SPSB4: variants seen among roughly 807,000 people sequenced by gnomAD.
SPSB4 encodes SPRY domain-containing SOCS box protein 4.
A neutral mutation model predicts 20.9 loss-of-function variants in SPSB4; 21 were observed. That is an observed-to-expected ratio of 1.01 (90% CI 0.71 to 1.45). The LOEUF is 1.45. SPSB4 is among the 40% of genes most tolerant of loss of function. SPSB4 has a pLI of 0.00. For synonymous variants in SPSB4, 207 were observed against 183.8 expected (o/e 1.13, Z -1.02); for missense variants, 399 against 399.2 (o/e 1.00, Z 0.00).
intron 2 of SPSB4, among the ~76,000 whole-genome samples, chr3:141,097,018 T>C (rs1296113340): frequency 6.6e-6 from 1 of 152,234 alleles, no homozygotes; most frequent in African/African-American, 2.4e-5. Context: ...CTATTGTCTT[T>C]GTGCATGGCT....
chr3:141,130,338 A>AG (rs1939113999), intron 2 of SPSB4, among the ~76,000 whole-genome samples: 1 of 152,204 alleles, frequency 6.6e-6, no homozygotes, highest in African/African-American at 2.4e-5. Context: ...GGGGAGTCTC[A>AG]GGGGCATGAA....
At chr3:141,067,784 A>C (rs530223144) in intron 2 of SPSB4, among the ~76,000 whole-genome samples, 1 of 152,280 alleles carries the variant, frequency 6.6e-6, no homozygotes, top group African/African-American at 2.4e-5. Context: ...CCCCAACATC[A>C]GCCCACTAGC....
At chr3:141,094,908 C>T (rs1938519738) in intron 2 of SPSB4, among the ~76,000 whole-genome samples, 1 of 151,778 alleles carries the variant, frequency 6.6e-6, no homozygotes, top group African/African-American at 2.4e-5. Flanking sequence ...GCCTCTCCTG[C>T]CTGTGCTTCC....
In SPSB4 at chr3:141,147,487, G is replaced by A. The variant is rs904870035; in HGVS notation, c.*218G>A. On this transcript the variant is annotated 3_prime_UTR_variant, in exon 3 of 3. Transcript: ENST00000310546. Reference sequence around the variant, plus strand: ...CCCTCGAGGCAGCCCTCCCAAGTCAGACACCTCCTTCGGAGCCACAGAGAG... The same window carrying A: ...CCCTCGAGGCAGCCCTCCCAAGTCAAACACCTCCTTCGGAGCCACAGAGAG... The A allele has an allele frequency of 7.4e-6, 5 of 673,926 alleles. No homozygotes were observed. Among genetic ancestry groups the A allele is most frequent in the Middle Eastern group, 4.0e-4 (1 of 2,474 alleles). The allele number at this position is 673,926 out of a possible 1,614,324, so 41.7% of individuals were successfully genotyped here.
At position 141,147,245 on chromosome 3, in the gene SPSB4, C is replaced by A. The variant is rs1939428587; in HGVS notation, c.798C>A (p.Leu266=). The change falls in exon 3 of 3, where the codon CTC becomes CTA. Residue 266 remains leucine (L), a synonymous_variant. Transcript: ENST00000310546. ...DISSLPLPQS[L]KNYLQYQ is the part of the protein sequence containing the mutation. ...GCTCCCTGCCCCTGCCTCAGTCTCT[C>A]AAAAACTATCTGCAGTACCAGTGAG... is the stretch of plus-strand genomic sequence containing the variant. The A allele has an allele frequency of 5.6e-6, 9 of 1,614,218 alleles. No individual in the cohort carries two copies. Among genetic ancestry groups the A allele is most frequent in the Non-Finnish European group, 7.6e-6 (9 of 1,180,040 alleles).
At chr3:141,106,999 T>C (rs1938704676) in intron 2 of SPSB4, among the ~76,000 whole-genome samples, 1 of 152,192 alleles carries the variant, frequency 6.6e-6, no homozygotes, top group African/African-American at 2.4e-5. Context: ...TTGCAGGCCA[T>C]GCCCAGCACA....
chr3:141,138,397 T>G (rs185093075), intron 2 of SPSB4, among the ~76,000 whole-genome samples: 3 of 152,342 alleles, frequency 2.0e-5, no homozygotes, highest in East Asian at 3.9e-4. Flanking sequence ...TGTTTGCTCT[T>G]GCTTCTTTAG....
At chr3:141,061,417 C>A (rs562423521) in intron 1 of SPSB4, among the ~76,000 whole-genome samples, 2 of 151,898 alleles carry the variant, frequency 1.3e-5, no homozygotes, top group Non-Finnish European at 2.9e-5. Flanking sequence ...ATTTATTTAA[C>A]CTTTTCTAAT....
intron 1 of SPSB4, among the ~76,000 whole-genome samples, chr3:141,060,640 G>T (rs1937743410): frequency 2.0e-5 from 3 of 152,356 alleles, no homozygotes; most frequent in East Asian, 3.9e-4. Flanking sequence ...ATAAATGCTG[G>T]AAGTAGAATT....
intron 2 of SPSB4, among the ~76,000 whole-genome samples, chr3:141,137,029 G>C (rs1939240462): frequency 6.6e-6 from 1 of 152,112 alleles, no homozygotes; most frequent in Admixed American, 6.5e-5. Flanking sequence ...GCAGTGGTTT[G>C]TAGTTCTCCT....
intron 1 of SPSB4, among the ~76,000 whole-genome samples, chr3:141,056,535 A>T (rs145124489): frequency 5.4e-4 from 82 of 152,378 alleles, no homozygotes; most frequent in African/African-American, 1.9e-3. Flanking sequence ...GGCTCAAGCC[A>T]GAGGCATGAA....
chr3:141,115,325 A>AT (rs1398759802), intron 2 of SPSB4: 5 of 152,162 alleles, frequency 3.3e-5, no homozygotes, highest in Non-Finnish European at 5.9e-5. Context: ...ACGGTGGTGG[A>AT]TGAGCTTTAT....
intron 2 of SPSB4, among the ~76,000 whole-genome samples, chr3:141,134,056 C>CTTTTTTTTTTTTTTTTTTTTTTT (rs1222303281): frequency 1.6e-4 from 10 of 61,630 alleles, no homozygotes; most frequent in South Asian, 6.5e-4. Flanking sequence ...TTTCTTTTTT[C>CTTTTTTTTTTTTTTTTTTTTTTT]TTTTTTTTTT....
At chr3:141,132,416 T>G (rs2107804918) in intron 2 of SPSB4, 1 of 211,092 alleles carries the variant, frequency 4.7e-6, no homozygotes, top group Middle Eastern at 2.0e-3. Context: ...TCCACCCGCC[T>G]CGGCACCCCA....
At chr3:141,123,314 T>C (rs554104093) in intron 2 of SPSB4, among the ~76,000 whole-genome samples, 1 of 152,402 alleles carries the variant, frequency 6.6e-6, no homozygotes, top group South Asian at 2.1e-4. Flanking sequence ...GTGCCCCTTG[T>C]GTTGTCTCCG....
Position 141,066,621 on chromosome 3 carries a change from C to T in SPSB4, c.517C>T (p.Leu173=), listed in dbSNP as rs776797748. 2.5e-6 allele frequency: 4 copies of T among 1,605,144 alleles called. No homozygotes were observed. In the Admixed American group the frequency reaches 6.8e-5, roughly 27 times the overall value. ...TCTGGGGCCCGACGAGGCCTTTGCG[C>T]TGCCCGACTCGCTGCTCGTGGTGCT... ...AFLGPDEAFA[L]PDSLLVVLDM... The change falls in exon 2 of 3, where the codon CTG becomes TTG. Residue 173 remains leucine, a synonymous_variant. Transcript: ENST00000310546.
chr3:141,055,765 C>T (rs144725360), intron 1 of SPSB4, among the ~76,000 whole-genome samples: 44 of 152,274 alleles, frequency 2.9e-4, no homozygotes, highest in Middle Eastern at 3.4e-3. Flanking sequence ...CTGCAGATTC[C>T]GAGGTGCACA....
At chr3:141,069,721 G>A (rs1034983650) in intron 2 of SPSB4, among the ~76,000 whole-genome samples, 2 of 152,146 alleles carry the variant, frequency 1.3e-5, no homozygotes, top group Non-Finnish European at 2.9e-5. Flanking sequence ...AAAAGGATGA[G>A]GATGATAAAG....
At chr3:141,078,746 A>G (rs1246161980) in intron 2 of SPSB4, among the ~76,000 whole-genome samples, 1 of 152,208 alleles carries the variant, frequency 6.6e-6, no homozygotes, top group Non-Finnish European at 1.5e-5. Context: ...GCACTCTGCC[A>G]AAAGCCAGGC....
Sources: allele counts gnomAD v4.1 joint callset (sites outside exome capture counted in the v4.1 genomes callset), GRCh38; gene constraint gnomAD v4.1.1; transcripts MANE v1.5; gene names NCBI Gene and HGNC (gene_info 2026-07-23, HGNC 2026-07-21).